CADPS: variants seen among roughly 807,000 people sequenced by gnomAD.
The protein encoded by CADPS is calcium-dependent secretion activator 1.
A neutral mutation model predicts 167.3 loss-of-function variants in CADPS; 57 were observed. The observed-to-expected ratio is 0.34, with a 90% CI of 0.28 to 0.42. CADPS has a LOEUF of 0.42. Ranked by LOEUF, CADPS falls within the 20% of genes least tolerant of loss-of-function variation. The pLI, the probability that CADPS is intolerant of heterozygous loss-of-function variation, is 1.00. For synonymous variants in CADPS, 676 were observed against 635.3 expected (o/e 1.06, Z -0.96); for missense variants, 1,414 against 1,738.1 (o/e 0.81, Z 3.32).
intron 6 of CADPS, among the ~76,000 whole-genome samples, chr3:62,634,863 G>A (rs536462259): frequency 3.2e-4 from 49 of 152,238 alleles, no homozygotes; most frequent in Admixed American, 4.6e-4. Context: ...AAGGCACAGT[G>A]TTTATAGCAC....
intron 3 of CADPS, among the ~76,000 whole-genome samples, chr3:62,692,671 T>C (rs1948929): frequency 0.71 from 108,246 of 151,982 alleles, 38,942 homozygotes; most frequent in East Asian, 0.95. Flanking sequence ...CAAGCTACCA[T>C]CATTACCTGC....
intron 10 of CADPS, among the ~76,000 whole-genome samples, chr3:62,556,378 A>T (rs2078147772): frequency 6.6e-6 from 1 of 152,156 alleles, no homozygotes; most frequent in Non-Finnish European, 1.5e-5. Flanking sequence ...AATTTTACTA[A>T]GTGGGCTGGG....
At chr3:62,666,578 AATT>A (rs2074449058) in intron 3 of CADPS, among the ~76,000 whole-genome samples, 1 of 152,154 alleles carries the variant, frequency 6.6e-6, no homozygotes, top group African/African-American at 2.4e-5. Flanking sequence ...CTCTTTACCT[AATT>A]AGACAAATAA....
At chr3:62,665,263 G>A (rs2074205435) in intron 3 of CADPS, among the ~76,000 whole-genome samples, 1 of 152,146 alleles carries the variant, frequency 6.6e-6, no homozygotes, top group Non-Finnish European at 1.5e-5. Context: ...AAATTCTAGA[G>A]TAAATAATTG....
intron 24 of CADPS, chr3:62,470,737 T>C (rs2060493658): frequency 2.6e-5 from 4 of 152,136 alleles, no homozygotes; most frequent in Admixed American, 6.6e-5. Context: ...CTCTCTAAGA[T>C]GGCTTGGGAA....
At chr3:62,407,893 C>T (rs188643711) in intron 28 of CADPS, among the ~76,000 whole-genome samples, 6 of 152,194 alleles carry the variant, frequency 3.9e-5, no homozygotes, top group Admixed American at 2.6e-4. Context: ...GCCACCATGT[C>T]CGGCTAATTT....
intron 16 of CADPS, chr3:62,513,766 C>A (rs766495087): frequency 2.7e-6 from 3 of 1,110,208 alleles, no homozygotes; most frequent in Non-Finnish European, 1.3e-6. Context: ...GGTTAAAGGT[C>A]ATAGGTTAGA....
intron 1 of CADPS, among the ~76,000 whole-genome samples, chr3:62,859,217 T>C (rs1300185504): frequency 6.6e-6 from 1 of 152,196 alleles, no homozygotes; most frequent in Non-Finnish European, 1.5e-5. Flanking sequence ...CACTATAATT[T>C]ATTTATTGCC....
At chr3:62,734,856 T>C (rs1307117756) in intron 3 of CADPS, among the ~76,000 whole-genome samples, 3 of 152,320 alleles carry the variant, frequency 2.0e-5, no homozygotes, top group South Asian at 2.1e-4. Context: ...CCCATAGCAA[T>C]GTAGAAAACA....
chr3:62,656,583 C>G (rs745910310), intron 4 of CADPS, among the ~76,000 whole-genome samples: 1 of 152,142 alleles, frequency 6.6e-6, no homozygotes, highest in Admixed American at 6.5e-5. Context: ...GCATCATCTC[C>G]TTTCATCCTG....
intron 7 of CADPS, among the ~76,000 whole-genome samples, chr3:62,588,665 A>G (rs2085222691): frequency 6.6e-6 from 1 of 152,206 alleles, no homozygotes; most frequent in African/African-American, 2.4e-5. Flanking sequence ...AAGGCTATTC[A>G]CTGAAGCATT....
chr3:62,649,186 T>C (rs921376404), intron 5 of CADPS, among the ~76,000 whole-genome samples: 1 of 152,194 alleles, frequency 6.6e-6, no homozygotes, highest in Non-Finnish European at 1.5e-5. Context: ...TTTTGAACTT[T>C]AGTAAGTTAC....
intron 3 of CADPS, among the ~76,000 whole-genome samples, chr3:62,707,740 C>G (rs2082591849): frequency 6.6e-6 from 1 of 152,044 alleles, no homozygotes; most frequent in Non-Finnish European, 1.5e-5. Flanking sequence ...CTTAATTTTT[C>G]TACTGACCAT....
intron 6 of CADPS, among the ~76,000 whole-genome samples, chr3:62,642,380 A>G (rs997988212): frequency 6.6e-6 from 1 of 152,210 alleles, no homozygotes; most frequent in African/African-American, 2.4e-5. Context: ...AGTTATTAGG[A>G]CAAATTAAAG....
intron 3 of CADPS, among the ~76,000 whole-genome samples, chr3:62,672,735 C>A (rs914620423): frequency 6.6e-6 from 1 of 152,146 alleles, no homozygotes; most frequent in Admixed American, 6.5e-5. Context: ...GTGATTCTTC[C>A]ACCACAGCCT....
At chr3:62,714,816 A>AT (rs1203826645) in intron 3 of CADPS, among the ~76,000 whole-genome samples, 1 of 152,164 alleles carries the variant, frequency 6.6e-6, no homozygotes, top group East Asian at 1.9e-4. Flanking sequence ...TAAAAGTTTT[A>AT]TTTAAAAAAA....
intron 28 of CADPS, among the ~76,000 whole-genome samples, chr3:62,411,643 G>A (rs889068508): frequency 3.3e-5 from 5 of 152,150 alleles, no homozygotes; most frequent in African/African-American, 1.2e-4. Context: ...AAATTCCACA[G>A]CCCCCTGGGT....
intron 26 of CADPS, among the ~76,000 whole-genome samples, chr3:62,462,060 CCCTCTTCTTGG>C (rs1468562907): frequency 2.7e-5 from 4 of 149,762 alleles, no homozygotes; most frequent in African/African-American, 1.0e-4. Flanking sequence ...TACCTGCTTG[CCCTCTTCTTGG>C]CCTCCTAAAA....
At chr3:62,423,356 A>C (rs562409245) in intron 28 of CADPS, among the ~76,000 whole-genome samples, 1 of 152,350 alleles carries the variant, frequency 6.6e-6, no homozygotes, top group African/African-American at 2.4e-5. Flanking sequence ...GCTGTGACTA[A>C]TAAGCCACGT....
Sources: gnomAD v4.1 joint callset for allele counts (sites outside exome capture counted in the v4.1 genomes callset) on GRCh38, gnomAD v4.1.1 for gene constraint, MANE v1.5 for transcripts, NCBI Gene and HGNC (gene_info 2026-07-23, HGNC 2026-07-21) for gene names.